ERC2: variants seen among roughly 807,000 people sequenced by gnomAD.
ERC2 encodes the protein ELKS/RAB6-interacting/CAST family member 2, also known as ERC protein 2.
Under a neutral mutation model 114.8 loss-of-function variants are expected in ERC2, and 42 were observed. The ratio of observed to expected loss-of-function variants is 0.37; its 90% CI spans 0.29 to 0.47. ERC2 has a LOEUF of 0.47. ERC2 is among the 20% of genes least tolerant of loss of function. ERC2 has a pLI of 0.99. For missense variants in ERC2, 939 were observed against 1,150.7 expected, an observed-to-expected ratio of 0.82 and a Z score of 2.66; for synonymous variants, 454 against 425.5, an observed-to-expected ratio of 1.07 and a Z score of -0.82.
intron 7 of ERC2, among the ~76,000 whole-genome samples, chr3:56,070,332 A>C (rs1323912110): frequency 7.2e-5 from 11 of 152,318 alleles, no homozygotes; most frequent in East Asian, 5.8e-4. Flanking sequence ...ACTATAAGCA[A>C]TAGCTGGCAG....
chr3:56,126,061 A>T (rs1050931295), intron 6 of ERC2, among the ~76,000 whole-genome samples: 1 of 152,212 alleles, frequency 6.6e-6, no homozygotes, highest in African/African-American at 2.4e-5. Flanking sequence ...GTTTCATCTG[A>T]CTGCACTCTC....
Position 56,433,344 on chromosome 3 carries a change from G to T in ERC2, c.657+1007C>A, listed in dbSNP as rs936714340. On this transcript the variant is annotated intron_variant, in intron 2 of 17. Transcript: ENST00000288221. ...AAGAAAATAGCAGCATATAAAACAGGCCTCACAGAATAGGTGGGATTTGGA... is the reference window on the plus strand; with the variant it reads ...AAGAAAATAGCAGCATATAAAACAGTCCTCACAGAATAGGTGGGATTTGGA... Among the ~76,000 whole-genome samples the T allele has an allele frequency of 2.0e-5, 3 of 152,290 alleles. No homozygotes were observed. The East Asian group carries it at 5.8e-4, about 29-fold the overall frequency.
intron 16 of ERC2, among the ~76,000 whole-genome samples, chr3:55,696,466 C>T (rs934095545): frequency 6.6e-6 from 1 of 152,176 alleles, no homozygotes; most frequent in Non-Finnish European, 1.5e-5. Flanking sequence ...ACATTATGAA[C>T]ATTTAGTTAA....
intron 1 of ERC2, among the ~76,000 whole-genome samples, chr3:56,465,776 G>C (rs557898180): frequency 6.6e-6 from 1 of 152,230 alleles, no homozygotes; most frequent in Admixed American, 6.5e-5. Context: ...AATAAACAGA[G>C]TTACTAAATT....
intron 17 of ERC2, among the ~76,000 whole-genome samples, chr3:55,602,319 C>A (rs2148532446): frequency 6.6e-6 from 1 of 152,264 alleles, no homozygotes; most frequent in Admixed American, 6.5e-5. Context: ...TGCTCACAAC[C>A]CTTCCCTAAA....
intron 13 of ERC2, among the ~76,000 whole-genome samples, chr3:55,915,256 C>T (rs558215857): frequency 9.9e-5 from 15 of 152,070 alleles, no homozygotes; most frequent in South Asian, 6.2e-4. Context: ...TATAATTATA[C>T]GATCATTGCT....
At chr3:55,605,549 A>G (rs1395232543) in intron 17 of ERC2, among the ~76,000 whole-genome samples, 1 of 152,242 alleles carries the variant, frequency 6.6e-6, no homozygotes, top group Non-Finnish European at 1.5e-5. Flanking sequence ...AAGTACTCTG[A>G]AAGGAAATAG....
chr3:55,767,152 A>G (rs566303081), intron 14 of ERC2, among the ~76,000 whole-genome samples: 24 of 152,356 alleles, frequency 1.6e-4, no homozygotes, highest in African/African-American at 5.5e-4. Context: ...TGCTGATACC[A>G]GTTGGAGAGG....
intron 7 of ERC2, among the ~76,000 whole-genome samples, chr3:56,066,022 T>C (rs193220568): frequency 6.6e-6 from 1 of 152,330 alleles, no homozygotes; most frequent in East Asian, 1.9e-4. Context: ...TGTGCATGTA[T>C]CTTTATAGCA....
intron 2 of ERC2, among the ~76,000 whole-genome samples, chr3:56,304,957 T>A (rs1306010998): frequency 2.0e-5 from 3 of 152,122 alleles, no homozygotes; most frequent in Non-Finnish European, 4.4e-5. Flanking sequence ...TGTAGAATGT[T>A]GCATCAGCCT....
rs545435658 is a variant in ERC2 at position 56,374,096 on chromosome 3, T to C, written c.657+60255A>G. On this transcript the variant is annotated intron_variant, in intron 2 of 17. Transcript: ENST00000288221. ...ACAGAGGCCATCCAGTGTTTTTGTT[T>C]GTTTGTTTGTTTGTTTTTGAGACTG... Among the ~76,000 whole-genome samples, 360 of 152,120 alleles carry C rather than the reference T, an allele frequency of 2.4e-3. 2 individuals carry two copies. The highest frequency in any genetic ancestry group is 8.2e-3 in the African/African-American group (341 of 41,488).
chr3:56,213,060 T>C (rs1331894158), intron 3 of ERC2, among the ~76,000 whole-genome samples: 1 of 152,084 alleles, frequency 6.6e-6, no homozygotes, highest in Non-Finnish European at 1.5e-5. Context: ...GATAAAAGAC[T>C]ACACATGAGC....
chr3:55,640,086 A>G (rs2060114461), intron 17 of ERC2, among the ~76,000 whole-genome samples: 1 of 152,154 alleles, frequency 6.6e-6, no homozygotes, highest in Non-Finnish European at 1.5e-5. Context: ...CACAATTCAC[A>G]CGTCCTGTGG....
intron 15 of ERC2, among the ~76,000 whole-genome samples, chr3:55,704,653 A>G (rs1040097085): frequency 2.0e-5 from 3 of 152,224 alleles, no homozygotes; most frequent in Non-Finnish European, 4.4e-5. Context: ...CTCACATAGC[A>G]ATGAATCATA....
intron 17 of ERC2, among the ~76,000 whole-genome samples, chr3:55,626,135 C>G (rs751808717): frequency 6.6e-6 from 1 of 152,166 alleles, no homozygotes; most frequent in Non-Finnish European, 1.5e-5. Context: ...GAATGAGCAG[C>G]TAAGGAAGTG....
intron 12 of ERC2, among the ~76,000 whole-genome samples, chr3:55,984,068 C>A (rs1484881669): frequency 6.6e-6 from 1 of 152,122 alleles, no homozygotes; most frequent in Non-Finnish European, 1.5e-5. Context: ...ACAATGATTG[C>A]ACATTTTCAT....
Position 55,613,573 on chromosome 3 carries a change from C to T in ERC2, c.*39+70221G>A, listed in dbSNP as rs567119391. ...ATGGAAAATTCAAGGGTGCAAGAGCCTGGGCAAGTTGATTAAAACCATCCT... is the reference window on the plus strand; with the variant it reads ...ATGGAAAATTCAAGGGTGCAAGAGCTTGGGCAAGTTGATTAAAACCATCCT... On this transcript the variant is annotated intron_variant, in intron 17 of 17. Coordinates refer to ENST00000288221, the MANE Select transcript of ERC2 (RefSeq NM_015576.3). Among the ~76,000 whole-genome samples the T allele has an allele frequency of 7.9e-5, 12 of 152,200 alleles. 1 individual carries two copies. The South Asian group carries it at 2.5e-3, about 32-fold the overall frequency.
chr3:56,023,367 T>C (rs1397291956), intron 7 of ERC2, among the ~76,000 whole-genome samples: 1 of 152,172 alleles, frequency 6.6e-6, no homozygotes, highest in African/African-American at 2.4e-5. Flanking sequence ...TGTGATCTTC[T>C]ACAATCCCTC....
chr3:55,969,644 T>C (rs1483431599), intron 12 of ERC2, among the ~76,000 whole-genome samples: 1 of 152,216 alleles, frequency 6.6e-6, no homozygotes, highest in Admixed American at 6.5e-5. Context: ...GAGTGTTAAG[T>C]CCTGCTTCCG....
Sources: allele counts gnomAD v4.1 joint callset (sites outside exome capture counted in the v4.1 genomes callset), GRCh38; gene constraint gnomAD v4.1.1; transcripts MANE v1.5; gene names NCBI Gene and HGNC (gene_info 2026-07-23, HGNC 2026-07-21).